The following AKAP6 variants were observed in gnomAD, a reference collection of about 807,000 sequenced individuals.
AKAP6 encodes A-kinase anchor protein 6.
A neutral mutation model predicts 188.5 loss-of-function variants in AKAP6; 58 were observed. The observed-to-expected ratio is 0.31, with a 90% CI of 0.25 to 0.38. The LOEUF (loss-of-function observed/expected upper bound fraction) is 0.38, where lower values mean the gene tolerates loss of function less well. Ranked by LOEUF, AKAP6 falls within the 10% of genes least tolerant of loss-of-function variation. The pLI is 1.00. For missense variants in AKAP6, 2,710 were observed against 2,740.0 expected (o/e 0.99, Z 0.24); for synonymous variants, 989 against 998.6 (o/e 0.99, Z 0.18).
chr14:32,597,160 T>A (rs1194772652), intron 5 of AKAP6, among the ~76,000 whole-genome samples: 12 of 152,212 alleles, frequency 7.9e-5, no homozygotes, highest in Admixed American at 7.9e-4. Flanking sequence ...CTGCATCTAT[T>A]CTATACTCTT....
At chr14:32,623,233 G>C (rs1303321626) in intron 7 of AKAP6, among the ~76,000 whole-genome samples, 2 of 152,116 alleles carry the variant, frequency 1.3e-5, no homozygotes, top group African/African-American at 4.8e-5. Context: ...ATTTGTTGTT[G>C]TTGTTAGTGG....
chr14:32,425,695 G>C (rs34287171), intron 1 of AKAP6, among the ~76,000 whole-genome samples: 39,461 of 152,012 alleles, frequency 0.26, 6,135 homozygotes, highest in East Asian at 0.72. Context: ...TTTTAATGGG[G>C]TTGTTTTTCT....
chr14:32,398,246 G>C (rs943696060), intron 1 of AKAP6, among the ~76,000 whole-genome samples: 2 of 152,208 alleles, frequency 1.3e-5, no homozygotes, highest in Admixed American at 1.3e-4. Flanking sequence ...ATGCAGTGAG[G>C]CTCTGCCTCT....
At chr14:32,609,767 A>C (rs1317258910) in intron 7 of AKAP6, among the ~76,000 whole-genome samples, 2 of 152,208 alleles carry the variant, frequency 1.3e-5, no homozygotes, top group East Asian at 3.9e-4. Flanking sequence ...ATGTGGTAGA[A>C]GCTAAAAAAC....
chr14:32,626,010 G>C (rs950224397), intron 7 of AKAP6, among the ~76,000 whole-genome samples: 1 of 152,080 alleles, frequency 6.6e-6, no homozygotes, highest in African/African-American at 2.4e-5. Context: ...ATGGTTCAAA[G>C]GTGGTTTTAT....
rs555000016 is a variant in AKAP6 at position 32,368,891 on chromosome 14, A to C, written c.-35+39483A>C. 1.2e-3 allele frequency among the ~76,000 whole-genome samples: 179 copies of C among 151,636 alleles called. 1 individual carries two copies. The highest frequency in any genetic ancestry group is 2.8e-3 in the Admixed American group (43 of 15,268). ...ATATTAAGAAGAAGAAAAAAAAAAC[A>C]AAAACATGCTGAATAAATGTGGACT... is the stretch of plus-strand genomic sequence containing the variant. On this transcript the variant is annotated intron_variant, in intron 1 of 13. Transcript: ENST00000280979.
intron 12 of AKAP6, among the ~76,000 whole-genome samples, chr14:32,789,342 C>T (rs540930164): frequency 4.6e-5 from 7 of 152,200 alleles, no homozygotes; most frequent in Non-Finnish European, 8.8e-5. Flanking sequence ...AAGGGTCTCT[C>T]CCAACGCAAC....
At chr14:32,655,900 G>A (rs1014141043) in intron 7 of AKAP6, among the ~76,000 whole-genome samples, 16 of 152,168 alleles carry the variant, frequency 1.1e-4, no homozygotes, top group Admixed American at 9.8e-4. Flanking sequence ...TGGTGATCAT[G>A]TTATAGAATA....
intron 2 of AKAP6, chr14:32,495,321 C>T (rs755172770): frequency 1.3e-5 from 2 of 152,192 alleles, no homozygotes; most frequent in East Asian, 1.9e-4. Context: ...CTGACAGAAG[C>T]GAATGGCTTG....
intron 9 of AKAP6, among the ~76,000 whole-genome samples, chr14:32,697,100 A>G (rs1890436125): frequency 6.6e-6 from 1 of 152,208 alleles, no homozygotes; most frequent in Non-Finnish European, 1.5e-5. Flanking sequence ...AGTACATTCA[A>G]GGTCAAATAA....
intron 12 of AKAP6, among the ~76,000 whole-genome samples, chr14:32,776,303 A>G (rs914314656): frequency 6.6e-6 from 1 of 152,106 alleles, no homozygotes; most frequent in African/African-American, 2.4e-5. Context: ...GGTTTCCCCC[A>G]TACTGTTCTC....
At chr14:32,540,702 G>A (rs1488473980) in intron 3 of AKAP6, among the ~76,000 whole-genome samples, 1 of 152,182 alleles carries the variant, frequency 6.6e-6, no homozygotes, top group Non-Finnish European at 1.5e-5. Flanking sequence ...GGAAGATGAT[G>A]TGGAGGGAAG....
rs12894833 is a variant in AKAP6, at chr14:32,836,003, C to G, written c.*6198C>G. The G allele has an allele frequency of 0.39, 58,612 of 152,186 alleles. 12,543 individuals are homozygous for G. The highest frequency in any genetic ancestry group is 0.48 in the Non-Finnish European group (32,855 of 68,006). 9.4% of individuals were successfully genotyped at this position (152,186 alleles called of 1,614,324 possible). A position where few individuals can be genotyped will look rare whatever the true frequency, so the allele number is the denominator to read the frequency against. ...AGGCATTTTGGCCAATGCCGTAAGA[C>G]CATTCTGGCCCTTGATTAATGGGTT... On this transcript the variant is annotated 3_prime_UTR_variant, in exon 14 of 14. Transcript: ENST00000280979.
intron 1 of AKAP6, among the ~76,000 whole-genome samples, chr14:32,389,159 A>T (rs1368384215): frequency 6.6e-6 from 1 of 151,746 alleles, no homozygotes; most frequent in Non-Finnish European, 1.5e-5. Context: ...AAGAATAGCT[A>T]CTCCTACTTG....
chr14:32,511,258 A>T (rs1443955661), intron 2 of AKAP6, among the ~76,000 whole-genome samples: 2 of 152,084 alleles, frequency 1.3e-5, no homozygotes, highest in African/African-American at 4.8e-5. Flanking sequence ...GAGTCTGATT[A>T]GTGTCACAAA....
In AKAP6 at chr14:32,806,837, T is replaced by C. The variant is rs571266713; in HGVS notation, c.3589-14565T>C. Among the ~76,000 whole-genome samples the C allele has an allele frequency of 1.1e-4, 16 of 152,292 alleles. No individual in the cohort carries two copies. In the South Asian group the frequency reaches 3.1e-3, roughly 30 times the overall value. Reference sequence around the variant, plus strand: ...CTTTAAAGGAGTTTAAGATTGAATTTTGAGAGATTGGGGTAAGGGTAGTAT... The same window carrying C: ...CTTTAAAGGAGTTTAAGATTGAATTCTGAGAGATTGGGGTAAGGGTAGTAT... On this transcript the variant is annotated intron_variant, in intron 12 of 13. Transcript: ENST00000280979.
intron 13 of AKAP6, among the ~76,000 whole-genome samples, chr14:32,828,525 TCTCTCACACACACACACACACA>T (rs1223471846): frequency 1.3e-4 from 13 of 96,796 alleles, no homozygotes; most frequent in South Asian, 9.5e-4. Flanking sequence ...TCTCTCTCTC[TCTCTCACACACACACACACACA>T]CACACACACA....
chr14:32,617,725 G>A (rs868058373), intron 7 of AKAP6, among the ~76,000 whole-genome samples: 28 of 152,124 alleles, frequency 1.8e-4, no homozygotes, highest in South Asian at 4.1e-4. Flanking sequence ...TCCCAGGTTT[G>A]AGTGATTCTT....
At chr14:32,374,586 A>C (rs1228765736) in intron 1 of AKAP6, among the ~76,000 whole-genome samples, 1 of 152,144 alleles carries the variant, frequency 6.6e-6, no homozygotes, top group Non-Finnish European at 1.5e-5. Context: ...TACTTAAGGT[A>C]TTTGGATGCT....
Sources: allele counts gnomAD v4.1 joint callset (sites outside exome capture counted in the v4.1 genomes callset), GRCh38; gene constraint gnomAD v4.1.1; transcripts MANE v1.5; gene names NCBI Gene and HGNC (gene_info 2026-07-23, HGNC 2026-07-21).